The following NEDD9 variants were observed in gnomAD, a reference collection of about 807,000 sequenced individuals.
NEDD9 encodes the protein neural precursor cell expressed, developmentally down-regulated 9, also known as enhancer of filamentation 1.
NEDD9 carries 26 observed loss-of-function variants against 76.6 expected under a neutral mutation model. That is an observed-to-expected ratio of 0.34 (90% CI 0.25 to 0.47). NEDD9 has a LOEUF of 0.47. NEDD9 is among the 20% of genes least tolerant of loss of function. The probability of loss-of-function intolerance (pLI) is 1.00; values close to 1 mark genes in which losing one functional copy is unlikely to be tolerated. For missense variants in NEDD9, 937 were observed against 1,058.5 expected, an observed-to-expected ratio of 0.89 and a Z score of 1.59; for synonymous variants, 392 against 414.2, an observed-to-expected ratio of 0.95 and a Z score of 0.65.
intron 1 of NEDD9, among the ~76,000 whole-genome samples, chr6:11,350,984 T>C (rs150649047): frequency 5.7e-4 from 87 of 152,298 alleles, no homozygotes; most frequent in South Asian, 5.4e-3. Flanking sequence ...CAACTTGTTT[T>C]ATATATACAT....
intron 6 of NEDD9, 36 bp downstream of exon 6, chr6:11,188,182 C>T (rs752380715): frequency 6.6e-7 from 1 of 1,516,280 alleles, no homozygotes; most frequent in Non-Finnish European, 9.2e-7. Context: ...GGAAATCTTT[C>T]CAATGCCAAG....
chr6:11,292,552 C>T (rs191013095), intron 3 of NEDD9, among the ~76,000 whole-genome samples: 26 of 152,338 alleles, frequency 1.7e-4, no homozygotes, highest in Non-Finnish European at 2.4e-4. Context: ...ATAGGCTTCT[C>T]ATTTTCCAGA....
intron 1 of NEDD9, among the ~76,000 whole-genome samples, chr6:11,363,772 T>G (rs1762717254): frequency 6.6e-6 from 1 of 151,804 alleles, no homozygotes; most frequent in Admixed American, 6.6e-5. Flanking sequence ...GATTCCAGTT[T>G]GTTCCATTTT....
intron 2 of NEDD9, among the ~76,000 whole-genome samples, chr6:11,321,386 C>T (rs2066919): frequency 0.14 from 21,460 of 152,152 alleles, 1,882 homozygotes; most frequent in African/African-American, 0.24. Context: ...AACCTGTGTG[C>T]GTTACATCAC....
At chr6:11,305,547 G>A (rs1281039913) in intron 3 of NEDD9, among the ~76,000 whole-genome samples, 1 of 152,094 alleles carries the variant, frequency 6.6e-6, no homozygotes, top group African/African-American at 2.4e-5. Flanking sequence ...CTCTACTCCA[G>A]GCCAACTTGA....
At chr6:11,192,576 T>C in intron 3 of NEDD9, 130 bp from the exon 4 acceptor site, 1 of 610,622 alleles carries the variant, frequency 1.6e-6, no homozygotes, top group South Asian at 2.1e-5. Context: ...CAGTGCTCCA[T>C]GTTATAACAG....
Position 11,185,575 on chromosome 6 carries a change from T to A in NEDD9, c.2092A>T (p.Ser698Cys), listed in dbSNP as rs771033209. 1 of 1,614,186 alleles carries A rather than the reference T, an allele frequency of 6.2e-7. No individual in the cohort carries two copies. Among genetic ancestry groups the A allele is most frequent in the African/African-American group, 1.3e-5 (1 of 75,046 alleles). The change falls in exon 7 of 7, where the codon AGT (serine) becomes TGT (cysteine). Residue 698 changes from serine to cysteine, a missense_variant. Transcript: ENST00000379446. Reference protein sequence around the residue: ...KPSQSLPTTNSGVSAQDRQLL... With the variant: ...KPSQSLPTTNCGVSAQDRQLL... ...TGCCGATCCTGAGCACTCACGCCAC[T>A]GTTTGTGGTGGGTAGGCTCTGAGAG...
At position 11,241,342 on chromosome 6, in the gene NEDD9, G is replaced by A. The variant is rs1397157529; in HGVS notation, c.13-27615C>T. On this transcript the variant is annotated intron_variant, in intron 3 of 3. Coordinates refer to the NEDD9 transcript ENST00000397378. This position sits in a 1 kb window ranked among gnomAD's most constrained non-coding sequence, Gnocchi z 4.0. ...CTCTGGCATACACTTTCTATGTGAT[G>A]TCATGTGGTATAAGACATGATCTTT... Among the ~76,000 whole-genome samples, 1 of 152,196 alleles carries A rather than the reference G, an allele frequency of 6.6e-6. No homozygotes were observed. The highest frequency in any genetic ancestry group is 2.4e-5 in the African/African-American group (1 of 41,458).
chr6:11,345,034 T>C (rs1282900980), intron 1 of NEDD9, among the ~76,000 whole-genome samples: 1 of 152,092 alleles, frequency 6.6e-6, no homozygotes, highest in African/African-American at 2.4e-5. Flanking sequence ...GAGAAGATAT[T>C]ATGGAAGAAA....
In NEDD9 at chr6:11,184,934, A is replaced by C; in HGVS notation, c.*228T>G. 2.1e-6 allele frequency: 1 copy of C among 465,412 alleles called. No individual in the cohort carries two copies. 28.8% of individuals were successfully genotyped at this position (465,412 alleles called of 1,614,324 possible). A position where few individuals can be genotyped will look rare whatever the true frequency, so the allele number is the denominator to read the frequency against. On this transcript the variant is annotated 3_prime_UTR_variant, in exon 7 of 7. Transcript: ENST00000379446. ...CGTGGACAAGTTTTCTGTACAGTTT[A>C]TGTCTCAGATACTTCTATGTATACA...
upstream of NEDD9, among the ~76,000 whole-genome samples, chr6:11,232,995 C>T (rs553467649): frequency 6.6e-5 from 10 of 152,174 alleles, no homozygotes; most frequent in East Asian, 1.9e-3. Context: ...AGCAGTCTGA[C>T]AGTCGCGCTT....
At position 11,295,389 on chromosome 6, in the gene NEDD9, G is replaced by A. The variant is rs184611346; in HGVS notation, c.12+10603C>T. 4.9e-4 allele frequency among the ~76,000 whole-genome samples: 75 copies of A among 152,324 alleles called. 2 individuals are homozygous for A. In the East Asian group the frequency reaches 8.9e-3, roughly 18 times the overall value. On this transcript the variant is annotated intron_variant, in intron 3 of 3. Transcript: ENST00000397378. ...CTGTAGGGTGCGAGATATTTCTTAA[G>A]AAGATAATGGTAAGTCCTTCCACTC... is the stretch of plus-strand genomic sequence containing the variant.
intron 3 of NEDD9, among the ~76,000 whole-genome samples, chr6:11,273,903 G>T (rs1407801351): frequency 6.6e-6 from 1 of 152,152 alleles, no homozygotes; most frequent in South Asian, 2.1e-4. Context: ...TTCTTCATTA[G>T]CATTTTCCCA....
intron 3 of NEDD9, among the ~76,000 whole-genome samples, chr6:11,256,580 C>T (rs115022746): frequency 0.02 from 3,011 of 152,300 alleles, 100 homozygotes; most frequent in African/African-American, 0.069. Flanking sequence ...CCCACCTCAG[C>T]CTCCTGAGTA....
At chr6:11,350,832 C>T (rs774019088) in intron 1 of NEDD9, among the ~76,000 whole-genome samples, 8 of 152,088 alleles carry the variant, frequency 5.3e-5, no homozygotes, top group Non-Finnish European at 1.0e-4. Context: ...TAGGTAAACA[C>T]TCGGGGGCTC....
At chr6:11,257,420 A>C (rs1333499291) in intron 3 of NEDD9, among the ~76,000 whole-genome samples, 24 of 152,108 alleles carry the variant, frequency 1.6e-4, no homozygotes, top group Admixed American at 1.6e-3. Flanking sequence ...GGATCTGGAG[A>C]GGGAAGAGAG....
rs1759634691 is a variant in NEDD9, at chr6:11,237,761, G to T, written c.13-24034C>A. Among the ~76,000 whole-genome samples, 1 of 152,140 alleles carries T rather than the reference G, an allele frequency of 6.6e-6. No individual in the cohort carries two copies. Among genetic ancestry groups the T allele is most frequent in the Non-Finnish European group, 1.5e-5 (1 of 68,018 alleles). ...GAAGAAGAAAAAGTATTATTTGGTT[G>T]TCTCTAGAAGTTTGCCGACCCACAC... On this transcript the variant is annotated intron_variant, in intron 3 of 3. Coordinates refer to the NEDD9 transcript ENST00000397378. The surrounding 1 kb of genome is among the most constrained non-coding windows in gnomAD (Gnocchi z 4.9).
In NEDD9 at chr6:11,259,563, A is replaced by G. The variant is rs796963856; in HGVS notation, c.13-45836T>C. Among the ~76,000 whole-genome samples the G allele has an allele frequency of 3.9e-5, 6 of 152,230 alleles. No individual in the cohort carries two copies. In the South Asian group the frequency reaches 1.2e-3, roughly 31 times the overall value. On this transcript the variant is annotated intron_variant, in intron 3 of 3. Transcript: ENST00000397378. ...AGTGCTCTAGGCATGTGTTATTATT[A>G]CCAAAATTGACTGCTTATACAGTGG...
At chr6:11,351,966 C>A (rs990591028) in intron 1 of NEDD9, among the ~76,000 whole-genome samples, 2 of 152,192 alleles carry the variant, frequency 1.3e-5, no homozygotes, top group East Asian at 1.9e-4. Flanking sequence ...TGGGGAACAC[C>A]AGATGGCTAC....
Sources: allele counts gnomAD v4.1 joint callset (sites outside exome capture counted in the v4.1 genomes callset), GRCh38; gene constraint gnomAD v4.1.1; non-coding constraint Gnocchi (gnomAD v3.1); transcripts MANE v1.5; gene names NCBI Gene and HGNC (gene_info 2026-07-23, HGNC 2026-07-21).